RFC5: variants seen among roughly 807,000 people sequenced by gnomAD.
RFC5 encodes replication factor C subunit 5, also known as A1 36 kDa subunit.
A neutral mutation model predicts 44.3 loss-of-function variants in RFC5; 26 were observed. The observed-to-expected ratio is 0.59, with a 90% CI of 0.43 to 0.81. The LOEUF (loss-of-function observed/expected upper bound fraction) is 0.81. RFC5 is among the 40% of genes least tolerant of loss of function. RFC5 has a pLI of 0.00. For synonymous variants in RFC5, 155 were observed against 155.2 expected (o/e 1.00, Z 0.01); for missense variants, 328 against 418.6 (o/e 0.78, Z 1.89).
At chr12:118,035,231 G>T (rs141172203), downstream of RFC5, 11 of 1,614,206 alleles carry the variant, frequency 6.8e-6, no homozygotes, top group Non-Finnish European at 6.8e-6. Context: ...CTGCCACCGT[G>T]GCAAGGTACA....
downstream of RFC5, chr12:118,033,792 AG>A (rs1286283769): frequency 4.4e-6 from 1 of 224,794 alleles, no homozygotes; most frequent in African/African-American, 2.3e-5. Context: ...GATAGGTACT[AG>A]GCAGAAGCCA....
chr12:118,019,730 C>T lies in RFC5; in HGVS notation c.229C>T (p.Leu77=). ...TACCATCCTAGCCTGTGCGAAACAGCTATATAAAGACAAAGAATTTGGCTC... is the reference window on the plus strand; with the variant it reads ...TACCATCCTAGCCTGTGCGAAACAGTTATATAAAGACAAAGAATTTGGCTC... ...TSTILACAKQ[L]YKDKEFGSMV... is the part of the protein sequence containing the mutation. The change falls in exon 3 of 11, where the codon CTA becomes TTA. Residue 77 remains leucine (L), a synonymous_variant. Transcript: ENST00000454402. This position sits in a 1 kb window ranked among gnomAD's most constrained non-coding sequence, Gnocchi z 4.2. 1 of 1,613,942 alleles carries T rather than the reference C, an allele frequency of 6.2e-7. No homozygotes were observed.
chr12:118,025,880 G>GA, intron 7 of RFC5, 52 bp downstream of exon 7: 4 of 1,067,434 alleles, frequency 3.7e-6, no homozygotes, highest in Non-Finnish European at 5.6e-6. Flanking sequence ...ACAGAGTCTT[G>GA]CTCTGTCGCT....
At chr12:118,034,100 T>C, downstream of RFC5, 1 of 1,500,234 alleles carries the variant, frequency 6.7e-7, no homozygotes, top group Non-Finnish European at 9.2e-7. Context: ...GAAATGCTAT[T>C]TCAATGCAAG....
At chr12:118,022,445 GTTT>G in intron 5 of RFC5, 86 bp downstream of exon 5, 2 of 943,110 alleles carry the variant, frequency 2.1e-6, no homozygotes, top group Non-Finnish European at 1.7e-6. Flanking sequence ...TGTTGTCATT[GTTT>G]TTTTAGGCGG....
the RFC5 span, chr12:118,038,337 G>GA: frequency 6.2e-7 from 1 of 1,614,132 alleles, no homozygotes; most frequent in South Asian, 1.1e-5. Flanking sequence ...TGGGGAGATG[G>GA]AACAGCAGTA....
chr12:118,034,889 A>G (rs752697955), downstream of RFC5: 7 of 1,200,872 alleles, frequency 5.8e-6, no homozygotes, highest in Middle Eastern at 3.9e-4. Context: ...AGCTTTCCTC[A>G]TAGGCAAGAA....
At chr12:118,039,362 A>G in the RFC5 span, among the ~76,000 whole-genome samples, 3 of 152,224 alleles carry the variant, frequency 2.0e-5, no homozygotes, top group Non-Finnish European at 2.9e-5. Context: ...CCATTAATGC[A>G]GTTGGAATTA....
Position 118,019,210 on chromosome 12 carries a change from C to G in RFC5, c.130+74C>G. The G allele has an allele frequency of 9.7e-7, 1 of 1,028,946 alleles. No homozygotes were observed. The highest frequency in any genetic ancestry group is 1.7e-5 in the Admixed American group (1 of 58,050). The allele number at this position is 1,028,946 out of a possible 1,614,324, so 63.7% of individuals were successfully genotyped here. On this transcript the variant is annotated intron_variant, in intron 2 of 10. Transcript: ENST00000454402. This position sits in a 1 kb window ranked among gnomAD's most constrained non-coding sequence, Gnocchi z 4.2. ...TAAATTGCTTGGTGATGTTGTCTCT[C>G]CTAAGTAATAACTTCAAAGAATCTG...
downstream of RFC5, among the ~76,000 whole-genome samples, chr12:118,037,314 A>G (rs1799822169): frequency 6.6e-6 from 1 of 152,192 alleles, no homozygotes; most frequent in African/African-American, 2.4e-5. Flanking sequence ...CCTCTGACCT[A>G]GCTCATCACT....
At chr12:118,030,838 CG>C (rs1288828584) in intron 10 of RFC5, among the ~76,000 whole-genome samples, 1 of 152,068 alleles carries the variant, frequency 6.6e-6, no homozygotes, top group African/African-American at 2.4e-5. Flanking sequence ...TTTGTAGAGA[CG>C]GGGGTTTCAC....
chr12:118,020,733 T>C (rs2030427786), intron 3 of RFC5, among the ~76,000 whole-genome samples, 173 bp from the exon 4 acceptor site: 1 of 152,230 alleles, frequency 6.6e-6, no homozygotes, highest in Admixed American at 6.5e-5. Context: ...CTTTATTAAT[T>C]TAGTGAATTT....
chr12:118,026,965 T>G lies in RFC5; in HGVS notation c.740T>G (p.Ile247Ser). Residue 247 changes from isoleucine to serine, a missense_variant, in exon 8 of 11, where the codon ATT (isoleucine) becomes AGT (serine). By Grantham distance (142) the Ile-to-Ser change is moderately radical. Transcript: ENST00000454402. ...ACCGGGCACCCGCTCAAGTCAGACA[T>G]TGCCAACATCCTGGACTGGATGTTG... ...TCTGHPLKSDIANILDWMLNQ... is the reference protein window; with the variant it reads ...TCTGHPLKSDSANILDWMLNQ... The G allele has an allele frequency of 6.2e-7, 1 of 1,613,960 alleles. No individual in the cohort carries two copies. The highest frequency in any genetic ancestry group is 8.5e-7 in the Non-Finnish European group (1 of 1,179,964).
chr12:118,036,536 T>C, downstream of RFC5: 1 of 1,596,162 alleles, frequency 6.3e-7, no homozygotes, highest in Non-Finnish European at 8.6e-7. Flanking sequence ...AGTGCCTGGT[T>C]AGGGCAGAAG....
chr12:118,028,820 G>A (rs2031131607), intron 9 of RFC5, among the ~76,000 whole-genome samples: 1 of 152,026 alleles, frequency 6.6e-6, no homozygotes, highest in Non-Finnish European at 1.5e-5. Context: ...CAGCAGATAG[G>A]GGCACTCCAG....
At chr12:118,022,097 A>T (rs185116415) in intron 4 of RFC5, among the ~76,000 whole-genome samples, 189 bp from the exon 5 acceptor site, 121 of 152,332 alleles carry the variant, frequency 7.9e-4, no homozygotes, top group African/African-American at 2.8e-3. Context: ...CTCCATTCCC[A>T]CCAAGGGTTG....
In RFC5 at chr12:118,020,959, C is replaced by G. The variant is rs1019822274; in HGVS notation, c.321C>G (p.Ser107Arg). 2 of 1,609,688 alleles carry G rather than the reference C, an allele frequency of 1.2e-6. No individual in the cohort carries two copies. The highest frequency in any genetic ancestry group is 2.7e-5 in the African/African-American group (2 of 74,816). ...GIDIIRGPILSFASTRTIFKK... is the reference protein window; with the variant it reads ...GIDIIRGPILRFASTRTIFKK... ...ACATCATTCGAGGACCGATCCTGAG[C>G]TTTGCTAGCACAAGGACAATATTTA... The change falls in exon 4 of 11, where the codon AGC (serine) becomes AGG (arginine). Residue 107 changes from serine (S) to arginine (R), a missense_variant. Coordinates refer to ENST00000454402, the MANE Select transcript of RFC5 (RefSeq NM_007370.7).
At chr12:118,036,388 G>C (rs748596427), downstream of RFC5, 1 of 1,614,032 alleles carries the variant, frequency 6.2e-7, no homozygotes, top group African/African-American at 1.3e-5. Flanking sequence ...TAATCACATT[G>C]GTATCGTAAG....
chr12:118,018,526 C>G (rs1759251473), intron 1 of RFC5, among the ~76,000 whole-genome samples: 1 of 152,302 alleles, frequency 6.6e-6, no homozygotes, highest in Admixed American at 6.5e-5. Flanking sequence ...ACAAAATCAC[C>G]TGTGGTTGGG....
Sources: allele counts gnomAD v4.1 joint callset (sites outside exome capture counted in the v4.1 genomes callset), GRCh38; gene constraint gnomAD v4.1.1; non-coding constraint Gnocchi (gnomAD v3.1); transcripts MANE v1.5; gene names NCBI Gene and HGNC (gene_info 2026-07-23, HGNC 2026-07-21).